BCKDHB: variants seen among roughly 807,000 people sequenced by gnomAD.
BCKDHB encodes branched chain keto acid dehydrogenase E1 subunit beta.
Under a neutral mutation model 48.5 loss-of-function variants are expected in BCKDHB, and 41 were observed. That is an observed-to-expected ratio of 0.85 (90% CI 0.66 to 1.10). BCKDHB has a LOEUF of 1.10. Among genes scored for constraint, BCKDHB ranks in the 50% least tolerant of loss-of-function variants. BCKDHB has a pLI of 0.00. For synonymous variants in BCKDHB, 201 were observed against 174.8 expected (o/e 1.15, Z -1.18); for missense variants, 496 against 494.2 (o/e 1.00, Z -0.03).
intron 9 of BCKDHB, among the ~76,000 whole-genome samples, chr6:80,327,093 C>T (rs942093758): frequency 1.3e-5 from 2 of 152,090 alleles, no homozygotes; most frequent in Admixed American, 1.3e-4. Flanking sequence ...AAGTATAAGC[C>T]AGCAGGAAGT....
the BCKDHB span, among the ~76,000 whole-genome samples, chr6:80,357,165 G>A: frequency 3.3e-5 from 5 of 152,130 alleles, no homozygotes; most frequent in South Asian, 2.1e-4. Flanking sequence ...AGGTATGGGC[G>A]GATTAAGGGA....
chr6:80,141,269 A>C (rs1247660220), intron 3 of BCKDHB, among the ~76,000 whole-genome samples: 1 of 151,916 alleles, frequency 6.6e-6, no homozygotes, highest in Non-Finnish European at 1.5e-5. Flanking sequence ...TGGATTCATT[A>C]ATTAAAAACC....
intron 9 of BCKDHB, among the ~76,000 whole-genome samples, chr6:80,285,439 C>T (rs755337236): frequency 1.3e-5 from 2 of 152,068 alleles, no homozygotes; most frequent in African/African-American, 2.4e-5. Flanking sequence ...AAAAATAGGA[C>T]CTTTACTAAC....
rs1198474195 is a variant in BCKDHB at position 80,202,936 on chromosome 6, C to T, written c.841-166C>T. ...TCTAGACATCTATACTTGTTATTTT[C>T]GCAGAATATGGGCTTCAACATATTT... On this transcript the variant is annotated intron_variant, in intron 7 of 9. Coordinates refer to ENST00000320393, the MANE Select transcript of BCKDHB (RefSeq NM_183050.4). Among the ~76,000 whole-genome samples the T allele has an allele frequency of 8.6e-5, 13 of 152,018 alleles. No homozygotes were observed. In the South Asian group the frequency reaches 1.0e-3, roughly 12 times the overall value.
At chr6:80,146,917 C>G (rs1279265635) in intron 3 of BCKDHB, among the ~76,000 whole-genome samples, 1 of 152,056 alleles carries the variant, frequency 6.6e-6, no homozygotes, top group Non-Finnish European at 1.5e-5. Flanking sequence ...ATGTGCTCAG[C>G]TAAAGCTCTG....
intron 8 of BCKDHB, among the ~76,000 whole-genome samples, chr6:80,237,794 A>C (rs1269504031): frequency 6.6e-6 from 1 of 152,220 alleles, no homozygotes; most frequent in Admixed American, 6.5e-5. Flanking sequence ...GGTAATTAAC[A>C]TGACAAGGTT....
intron 8 of BCKDHB, among the ~76,000 whole-genome samples, chr6:80,212,664 A>G (rs1774993208): frequency 3.9e-5 from 6 of 152,232 alleles, no homozygotes; most frequent in Admixed American, 3.9e-4. Context: ...AAGTAAAGAC[A>G]GGTGTAAGAA....
At chr6:80,276,709 C>A in intron 9 of BCKDHB, among the ~76,000 whole-genome samples, 1 of 151,194 alleles carries the variant, frequency 6.6e-6, no homozygotes, top group Admixed American at 6.6e-5. Flanking sequence ...TTTATTTTAC[C>A]ATTTTACAGA....
chr6:80,421,771 G>A, the BCKDHB span, among the ~76,000 whole-genome samples: 1 of 152,190 alleles, frequency 6.6e-6, no homozygotes, highest in Admixed American at 6.5e-5. Flanking sequence ...TTTCTAAAGA[G>A]CAAAGCATTC....
intron 8 of BCKDHB, among the ~76,000 whole-genome samples, chr6:80,243,623 C>G (rs541345396): frequency 6.6e-6 from 1 of 152,212 alleles, no homozygotes; most frequent in Non-Finnish European, 1.5e-5. Context: ...GCCTTGACCT[C>G]CAGAGCTCAA....
chr6:80,329,363 A>G (rs1404120076), intron 9 of BCKDHB, among the ~76,000 whole-genome samples: 1 of 152,210 alleles, frequency 6.6e-6, no homozygotes, highest in African/African-American at 2.4e-5. Context: ...TTAGATTACC[A>G]GCAAAAATAT....
intron 3 of BCKDHB, among the ~76,000 whole-genome samples, chr6:80,134,341 C>T (rs1049645254): frequency 6.6e-6 from 1 of 152,182 alleles, no homozygotes; most frequent in African/African-American, 2.4e-5. Flanking sequence ...AATATAACCA[C>T]TTACTTGTTT....
intron 1 of BCKDHB, among the ~76,000 whole-genome samples, chr6:80,123,869 AC>A (rs1204255107): frequency 1.3e-5 from 2 of 151,656 alleles, no homozygotes; most frequent in African/African-American, 4.9e-5. Flanking sequence ...ATTTTTTTGA[AC>A]GGTTTTTTTG....
At chr6:80,204,822 C>T (rs1774565439) in intron 8 of BCKDHB, among the ~76,000 whole-genome samples, 1 of 151,990 alleles carries the variant, frequency 6.6e-6, no homozygotes. Context: ...ATATTTACAT[C>T]GATAGCAGTT....
chr6:80,321,841 G>A (rs1463382244), intron 9 of BCKDHB, among the ~76,000 whole-genome samples: 1 of 152,132 alleles, frequency 6.6e-6, no homozygotes, highest in Non-Finnish European at 1.5e-5. Flanking sequence ...TTTGTAAAAT[G>A]TAAACAATTG....
chr6:80,421,900 C>T, the BCKDHB span, among the ~76,000 whole-genome samples: 31 of 152,128 alleles, frequency 2.0e-4, no homozygotes, highest in African/African-American at 2.2e-4. Context: ...AAATCTGCAG[C>T]GTGACCATGA....
intron 8 of BCKDHB, among the ~76,000 whole-genome samples, chr6:80,219,574 C>T (rs938111844): frequency 1.3e-5 from 2 of 152,184 alleles, no homozygotes; most frequent in Middle Eastern, 3.2e-3. Context: ...GCACAACAAT[C>T]ACCAGGGATG....
rs774306610 is a variant in BCKDHB, at chr6:80,168,961, T to A, written c.564T>A (p.Cys188Ter). The A allele has an allele frequency of 2.5e-6, 4 of 1,614,070 alleles. No homozygotes were observed. In the Admixed American group the frequency reaches 6.7e-5, roughly 27 times the overall value. The change falls in exon 5 of 10, where the codon TGT becomes TGA. Residue 188 changes from cysteine to a stop codon, truncating the protein, a stop_gained. Transcript: ENST00000320393. LOFTEE classifies it high-confidence loss of function. ...GSLTIRSPWG[C>*]VGHGALYHSQ... ...TCACTATCCGGTCCCCTTGGGGCTG[T>A]GTTGGTCATGGGGCTCTCTATCATT...
At chr6:80,466,321 A>C in the BCKDHB span, among the ~76,000 whole-genome samples, 1 of 152,146 alleles carries the variant, frequency 6.6e-6, no homozygotes, top group African/African-American at 2.4e-5. Flanking sequence ...AATTTTTGGA[A>C]GATTGTAGAA....
Sources: gnomAD v4.1 joint callset for allele counts (sites outside exome capture counted in the v4.1 genomes callset) on GRCh38, gnomAD v4.1.1 for gene constraint, MANE v1.5 for transcripts, NCBI Gene and HGNC (gene_info 2026-07-23, HGNC 2026-07-21) for gene names.